The following NPAS3 variants were observed in gnomAD, a reference collection of about 807,000 sequenced individuals.
NPAS3 encodes neuronal PAS domain protein 3, also known as neuronal PAS domain-containing protein 3.
Under a neutral mutation model 73.1 loss-of-function variants are expected in NPAS3, and 14 were observed. The observed-to-expected ratio is 0.19, with a 90% CI of 0.13 to 0.30. The LOEUF (loss-of-function observed/expected upper bound fraction) is 0.30, where lower values mean the gene tolerates loss of function less well. NPAS3 is among the 10% of genes least tolerant of loss of function. The pLI is 1.00. For synonymous variants in NPAS3, 620 were observed against 541.5 expected (o/e 1.14, Z -2.01); for missense variants, 1,096 against 1,250.0 (o/e 0.88, Z 1.86).
intron 4 of NPAS3, among the ~76,000 whole-genome samples, chr14:33,471,395 T>C (rs1332545442): frequency 1.3e-5 from 2 of 152,202 alleles, no homozygotes; most frequent in Non-Finnish European, 1.5e-5. Context: ...TCTTAGGCCA[T>C]GGCAGGCAGA....
intron 2 of NPAS3, among the ~76,000 whole-genome samples, chr14:33,058,717 T>A (rs1032331839): frequency 1.3e-5 from 2 of 152,248 alleles, no homozygotes; most frequent in African/African-American, 4.8e-5. Context: ...CTTTTTAGTT[T>A]CATATTTGTG....
intron 8 of NPAS3, 95 bp downstream of exon 8, chr14:33,774,625 G>A (rs2062756430): frequency 1.0e-6 from 1 of 976,322 alleles, no homozygotes; most frequent in East Asian, 2.4e-5. Context: ...TCCCAGTGAG[G>A]TTCATTCTAA....
At chr14:33,322,856 A>T (rs1206692924) in intron 3 of NPAS3, among the ~76,000 whole-genome samples, 1 of 152,172 alleles carries the variant, frequency 6.6e-6, no homozygotes, top group East Asian at 1.9e-4. Flanking sequence ...TACTCTGACC[A>T]TGGAGATATA....
At chr14:33,093,499 G>A (rs1418991778) in intron 2 of NPAS3, among the ~76,000 whole-genome samples, 1 of 152,192 alleles carries the variant, frequency 6.6e-6, no homozygotes. Context: ...GGAGAAACGG[G>A]AACACTTTTA....
intron 9 of NPAS3, among the ~76,000 whole-genome samples, chr14:33,784,751 T>TTTTTTTTTTTTTTTTTTTA (rs2063110602): frequency 8.7e-6 from 1 of 114,876 alleles, no homozygotes; most frequent in African/African-American, 3.9e-5. Context: ...ATTTATTTTT[T>TTTTTTTTTTTTTTTTTTTA]TTTTTTTTTT....
At chr14:33,599,618 C>G (rs1041072602) in intron 5 of NPAS3, among the ~76,000 whole-genome samples, 3 of 151,948 alleles carry the variant, frequency 2.0e-5, no homozygotes, top group African/African-American at 7.3e-5. Context: ...AAACTGAGTG[C>G]TATATTAAAA....
chr14:33,085,827 T>C (rs2042006517), intron 2 of NPAS3, among the ~76,000 whole-genome samples: 1 of 152,234 alleles, frequency 6.6e-6, no homozygotes, highest in Non-Finnish European at 1.5e-5. Flanking sequence ...ATTATTACGA[T>C]TGAAAGTATT....
chr14:33,688,263 T>G (rs1186189918), intron 6 of NPAS3, among the ~76,000 whole-genome samples: 1 of 152,182 alleles, frequency 6.6e-6, no homozygotes, highest in Non-Finnish European at 1.5e-5. Flanking sequence ...AGGAAAAAAC[T>G]TGGTAGCACG....
At chr14:32,940,498 C>T (rs1449423552) in intron 1 of NPAS3, among the ~76,000 whole-genome samples, 1 of 152,174 alleles carries the variant, frequency 6.6e-6, no homozygotes, top group Admixed American at 6.5e-5. Flanking sequence ...GTGGATATCT[C>T]TTTCTGTCTC....
chr14:33,400,837 G>GA (rs1378283828), intron 4 of NPAS3, among the ~76,000 whole-genome samples: 3 of 151,884 alleles, frequency 2.0e-5, no homozygotes, highest in African/African-American at 7.2e-5. Context: ...TTTGCCCATA[G>GA]AAAAAATTAT....
intron 5 of NPAS3, among the ~76,000 whole-genome samples, chr14:33,590,129 A>C (rs1444390787): frequency 6.6e-6 from 1 of 152,228 alleles, no homozygotes; most frequent in Admixed American, 6.5e-5. Context: ...GCCTCATAAG[A>C]AAATCATGAG....
At chr14:33,099,598 CATT>C (rs1249730441) in intron 2 of NPAS3, among the ~76,000 whole-genome samples, 1 of 152,058 alleles carries the variant, frequency 6.6e-6, no homozygotes, top group Non-Finnish European at 1.5e-5. Context: ...AATAACTAAA[CATT>C]ATAATTAGCT....
At chr14:33,061,162 T>G (rs948699879) in intron 2 of NPAS3, among the ~76,000 whole-genome samples, 1 of 152,210 alleles carries the variant, frequency 6.6e-6, no homozygotes, top group African/African-American at 2.4e-5. Context: ...TCAGGGATTC[T>G]GCTGGGGGGA....
intron 5 of NPAS3, among the ~76,000 whole-genome samples, chr14:33,651,007 A>G (rs1426004099): frequency 6.6e-6 from 1 of 152,232 alleles, no homozygotes; most frequent in Non-Finnish European, 1.5e-5. Context: ...AGAAAAGGAA[A>G]AAGCCAGATC....
At chr14:33,527,388 G>T (rs979357287) in intron 4 of NPAS3, among the ~76,000 whole-genome samples, 1 of 152,176 alleles carries the variant, frequency 6.6e-6, no homozygotes, top group East Asian at 1.9e-4. Context: ...TGTACAATTT[G>T]CATGTTGGTG....
At chr14:33,186,626 A>G (rs1252518858) in intron 2 of NPAS3, among the ~76,000 whole-genome samples, 1 of 152,142 alleles carries the variant, frequency 6.6e-6, no homozygotes, top group Non-Finnish European at 1.5e-5. Flanking sequence ...TTTCTGTCTC[A>G]GTGCATGGTA....
chr14:33,466,495 C>T (rs184659804), intron 4 of NPAS3, among the ~76,000 whole-genome samples: 76 of 152,292 alleles, frequency 5.0e-4, no homozygotes, highest in African/African-American at 1.4e-3. Flanking sequence ...TTTGAGAAGA[C>T]GTGGGAAGAC....
At chr14:33,296,107 G>A (rs35305194) in intron 3 of NPAS3, among the ~76,000 whole-genome samples, 14 of 152,006 alleles carry the variant, frequency 9.2e-5, no homozygotes, top group South Asian at 2.1e-4. Context: ...AAATGCAAGC[G>A]GTGACTTAGA....
rs568230051 is a variant in NPAS3 at position 33,253,227 on chromosome 14, T to C, written c.385+37801T>C. ...GTTTTCCATAGAGGCTGAACTAATTTACATTCTCAACAGTGTATAAATGTT... is the reference window on the plus strand; with the variant it reads ...GTTTTCCATAGAGGCTGAACTAATTCACATTCTCAACAGTGTATAAATGTT... On this transcript the variant is annotated intron_variant, in intron 3 of 11. Transcript: ENST00000356141. Among the ~76,000 whole-genome samples the C allele has an allele frequency of 9.2e-5, 14 of 152,288 alleles. No individual in the cohort carries two copies. In the East Asian group the frequency reaches 2.5e-3, roughly 27 times the overall value.
Sources: allele counts gnomAD v4.1 joint callset (sites outside exome capture counted in the v4.1 genomes callset), GRCh38; gene constraint gnomAD v4.1.1; transcripts MANE v1.5; gene names NCBI Gene and HGNC (gene_info 2026-07-23, HGNC 2026-07-21).